Variants in MYO1C observed in about 807,000 individuals in gnomAD.
MYO1C encodes the protein unconventional myosin-Ic.
A neutral mutation model predicts 150.8 loss-of-function variants in MYO1C; 104 were observed. The ratio of observed to expected loss-of-function variants is 0.69; its 90% CI spans 0.59 to 0.81. The LOEUF (loss-of-function observed/expected upper bound fraction) is 0.81, where lower values mean the gene tolerates loss of function less well. Among genes scored for constraint, MYO1C ranks in the 30% least tolerant of loss-of-function variants. The pLI is 0.00. For missense variants in MYO1C, 1,504 were observed against 1,435.0 expected (o/e 1.05, Z -0.78); for synonymous variants, 663 against 579.9 (o/e 1.14, Z -2.06).
chr17:1,469,417 C>T lies in MYO1C; in HGVS notation c.2610+114G>A, dbSNP rs45456097. The T allele has an allele frequency of 1.1e-4, 117 of 1,029,004 alleles. 1 individual carries two copies. The African/African-American group carries it at 1.5e-3, about 14-fold the overall frequency. The allele number at this position is 1,029,004 out of a possible 1,614,324, so 63.7% of individuals were successfully genotyped here. On this transcript the variant is annotated intron_variant, in intron 25 of 31. Transcript: ENST00000648651. Reference sequence around the variant, plus strand: ...GTAGATCGGGGTAAATACGGTAGAACGCGGTAAATACGGTAGACCGGGGTA... The same window carrying T: ...GTAGATCGGGGTAAATACGGTAGAATGCGGTAAATACGGTAGACCGGGGTA...
At chr17:1,469,952 T>G (rs77697624) in intron 24 of MYO1C, among the ~76,000 whole-genome samples, 1 of 151,910 alleles carries the variant, frequency 6.6e-6, no homozygotes, top group African/African-American at 2.4e-5. Flanking sequence ...GGAGAATCGC[T>G]TGAACCCGGG....
intron 1 of MYO1C, among the ~76,000 whole-genome samples, chr17:1,487,648 TG>T (rs532199530): frequency 4.6e-5 from 7 of 152,156 alleles, no homozygotes; most frequent in African/African-American, 1.7e-4. Flanking sequence ...CCGGGCGCGG[TG>T]GCTCACGCCT....
rs1598318351 is a variant in MYO1C at position 1,467,491 on chromosome 17, G to A, written c.3054C>T (p.Ile1018=). The change falls in exon 30 of 32, where the codon ATC becomes ATT. Residue 1018 remains isoleucine, a synonymous_variant. Transcript: ENST00000648651. ...LSANRVNSIN[I]NQGSITFAGG... Reference sequence around the variant, plus strand: ...CGCCCGCGCCTCACCTGCCCTGGTTGATGTTGATGCTGTTCACGCGGTTGG... The same window carrying A: ...CGCCCGCGCCTCACCTGCCCTGGTTAATGTTGATGCTGTTCACGCGGTTGG... 3 of 1,612,992 alleles carry A rather than the reference G, an allele frequency of 1.9e-6. No individual in the cohort carries two copies. The highest frequency in any genetic ancestry group is 2.5e-6 in the Non-Finnish European group (3 of 1,179,898).
chr17:1,467,912 T>C lies in MYO1C; in HGVS notation c.2897-2A>G. The stretch of plus-strand genomic sequence containing the variant: ...CGCTCAGGCTGCTGACAGAGATTCC[T>C]GAGGGGAGAGGGCAAAGGTCAGAGG... On this transcript the variant is annotated splice_acceptor_variant, in intron 28 of 31. Coordinates refer to ENST00000648651, the MANE Select transcript of MYO1C (RefSeq NM_001080779.2). LOFTEE classifies it high-confidence loss of function. 6.2e-7 allele frequency: 1 copy of C among 1,611,966 alleles called. No individual in the cohort carries two copies. The highest frequency in any genetic ancestry group is 8.5e-7 in the Non-Finnish European group (1 of 1,179,598).
intron 1 of MYO1C, among the ~76,000 whole-genome samples, chr17:1,491,447 A>AT (rs1555524114): frequency 5.6e-5 from 3 of 54,016 alleles, no homozygotes; most frequent in African/African-American, 1.8e-4. Flanking sequence ...GGGTCGTGGG[A>AT]CCCCCCCCCC....
rs758882278 is a variant in MYO1C at position 1,483,028 on chromosome 17, G to C, written c.379C>G (p.Leu127Val). 1.2e-6 allele frequency: 2 copies of C among 1,611,418 alleles called. No individual in the cohort carries two copies. Among genetic ancestry groups the C allele is most frequent in the Admixed American group, 3.3e-5 (2 of 59,938 alleles). The change falls in exon 4 of 32, where the codon CTG becomes GTG. Residue 127 changes from leucine (L) to valine (V), a missense_variant. Physicochemically the swap from Leu to Val is conservative, Grantham distance 32. Transcript: ENST00000648651. Reference protein sequence around the residue: ...FAVADTVYRALRTERRDQAVM... With the variant: ...FAVADTVYRAVRTERRDQAVM... ...GCCTGGTCCCGACGCTCCGTGCGCA[G>C]TGCTCGGTACACAGTGTCCGCCACG...
Position 1,484,341 on chromosome 17 carries a change from C to T in MYO1C, c.76-38G>A, listed in dbSNP as rs373966783. The T allele has an allele frequency of 1.7e-5, 28 of 1,602,246 alleles. No homozygotes were observed. The African/African-American group carries it at 2.5e-4, about 15-fold the overall frequency. On this transcript the variant is annotated intron_variant, in intron 1 of 31. Coordinates refer to ENST00000648651, the MANE Select transcript of MYO1C (RefSeq NM_001080779.2). ...GGCCACAGAAGAGGGTCAGAGTCAT[C>T]GGGGGCGGGGCAAGGCCACTTCCCT...
At chr17:1,466,992 T>A (rs2074185896) in intron 31 of MYO1C, among the ~76,000 whole-genome samples, 2 of 150,960 alleles carry the variant, frequency 1.3e-5, no homozygotes, top group Non-Finnish European at 3.0e-5. Flanking sequence ...TCCTGGCCTC[T>A]GGTGATCCAC....
chr17:1,472,087 G>A (rs1032526895), intron 18 of MYO1C, 36 bp downstream of exon 18: 7 of 1,612,876 alleles, frequency 4.3e-6, no homozygotes, highest in African/African-American at 4.0e-5. Context: ...CTGCAGGGGA[G>A]GCCCGGCCCC....
intron 1 of MYO1C, among the ~76,000 whole-genome samples, chr17:1,489,290 C>T (rs1449007574): frequency 6.6e-6 from 1 of 152,212 alleles, no homozygotes; most frequent in African/African-American, 2.4e-5. Context: ...CCTGATTGCT[C>T]ACAGGGCCTT....
intron 29 of MYO1C, 61 bp from the exon 30 acceptor site, chr17:1,467,638 C>T (rs2074202979): frequency 6.6e-7 from 1 of 1,507,692 alleles, no homozygotes; most frequent in Non-Finnish European, 9.1e-7. Context: ...ACCCCCGCCC[C>T]ACCTCCCCAT....
Position 1,484,867 on chromosome 17 carries a change from G to A in MYO1C, c.76-564C>T, listed in dbSNP as rs550558512. ...TCAATTCTGCAGGCAGGGTGGGGCC[G>A]TCTCTCCCACCCAGACCCACCCCCA... is the stretch of plus-strand genomic sequence containing the variant. On this transcript the variant is annotated intron_variant, in intron 1 of 31. Coordinates refer to ENST00000648651, the MANE Select transcript of MYO1C (RefSeq NM_001080779.2). The A allele has an allele frequency of 1.7e-4, 68 of 394,004 alleles. 1 individual carries two copies. Among genetic ancestry groups the A allele is most frequent in the African/African-American group, 1.3e-3 (63 of 47,618 alleles). 24.4% of individuals were successfully genotyped at this position (394,004 alleles called of 1,614,324 possible). A position where few individuals can be genotyped will look rare whatever the true frequency, so the allele number is the denominator to read the frequency against.
Position 1,478,802 on chromosome 17 carries a change from C to G in MYO1C, c.1093-67G>C. On this transcript the variant is annotated intron_variant, in intron 9 of 31. Transcript: ENST00000648651. This position sits in a 1 kb window ranked among gnomAD's most constrained non-coding sequence, Gnocchi z 6.3. ...CCTGTGCATCCCACCTGCTCCCAGG[C>G]TCAGGCAGACCAGGAAGCCGCCACC... 1 of 1,603,966 alleles carries G rather than the reference C, an allele frequency of 6.2e-7. No homozygotes were observed. The highest frequency in any genetic ancestry group is 8.5e-7 in the Non-Finnish European group (1 of 1,179,344).
Position 1,474,875 on chromosome 17 carries a change from G to T in MYO1C, c.1670-17C>A, listed in dbSNP as rs9903846. Reference sequence around the variant, plus strand: ...CCAGAAACCCTGGGAGGGGAGAACCGACGTGAGGTGAGACAGAGCCTCCCC... The same window carrying T: ...CCAGAAACCCTGGGAGGGGAGAACCTACGTGAGGTGAGACAGAGCCTCCCC... On this transcript the variant is annotated splice_polypyrimidine_tract_variant and intron_variant, in intron 15 of 31. Transcript: ENST00000648651. 4.5e-5 allele frequency: 72 copies of T among 1,613,576 alleles called. No homozygotes were observed. In the Admixed American group the frequency reaches 1.2e-3, roughly 26 times the overall value.
At chr17:1,477,390 C>T (rs1003253583) in intron 14 of MYO1C, 115 bp downstream of exon 14, 28 of 948,020 alleles carry the variant, frequency 3.0e-5, no homozygotes, top group African/African-American at 4.8e-5. Flanking sequence ...AACTCAGCAC[C>T]GTCCCTGGTC....
At chr17:1,476,657 G>C (rs115343932) in intron 14 of MYO1C, among the ~76,000 whole-genome samples, 1 of 152,136 alleles carries the variant, frequency 6.6e-6, no homozygotes. Flanking sequence ...CAGGTGAAGC[G>C]ACGACATGCA....
chr17:1,469,693 T>A, intron 24 of MYO1C, 79 bp from the exon 25 acceptor site: 1 of 1,160,582 alleles, frequency 8.6e-7, no homozygotes, highest in African/African-American at 1.5e-5. Flanking sequence ...TGCTACTGCA[T>A]CCTTTGGATA....
chr17:1,490,423 G>A (rs149793767), intron 1 of MYO1C, among the ~76,000 whole-genome samples: 21 of 152,092 alleles, frequency 1.4e-4, no homozygotes, highest in Non-Finnish European at 2.8e-4. Flanking sequence ...GCTTGAACCC[G>A]GCAGGTGGAG....
chr17:1,469,082 G>A (rs1486183281), intron 25 of MYO1C: 1 of 307,698 alleles, frequency 3.2e-6, no homozygotes, highest in Non-Finnish European at 6.3e-6. Context: ...GCATCCAACT[G>A]AGGTCACCGG....
Sources: allele counts gnomAD v4.1 joint callset (sites outside exome capture counted in the v4.1 genomes callset), GRCh38; gene constraint gnomAD v4.1.1; non-coding constraint Gnocchi (gnomAD v3.1); transcripts MANE v1.5; gene names NCBI Gene and HGNC (gene_info 2026-07-23, HGNC 2026-07-21).